The following PSMB10 variants were observed in gnomAD, a reference collection of about 807,000 sequenced individuals.
PSMB10 encodes proteasome subunit beta type-10.
In PSMB10, 29 loss-of-function variants were observed where a neutral mutation model predicts 29.8. The observed-to-expected ratio is 0.97, with a 90% CI of 0.73 to 1.33. The LOEUF is 1.33. Ranked by LOEUF, PSMB10 falls within the 40% of genes most tolerant of loss-of-function variation. The probability of loss-of-function intolerance (pLI) is 0.00; values close to 1 mark genes in which losing one functional copy is unlikely to be tolerated. For synonymous variants in PSMB10, 157 were observed against 164.7 expected, an observed-to-expected ratio of 0.95 and a Z score of 0.36; for missense variants, 327 against 369.2, an observed-to-expected ratio of 0.89 and a Z score of 0.94.
rs1437356925 is a variant in PSMB10, at chr16:67,934,823, C to A, written c.684G>T (p.Leu228=). Reference sequence around the variant, plus strand: ...TCTTCACGGGCTCTGTGGGTGAGCTCAGTGTCCGCAGCAGCTTGGCGCCAG... The same window carrying A: ...TCTTCACGGGCTCTGTGGGTGAGCTAAGTGTCCGCAGCAGCTTGGCGCCAG... ...TKTGAKLLRT[L]SSPTEPVKRS... The change falls in exon 7 of 8, where the codon CTG becomes CTT. Residue 228 remains leucine, a synonymous_variant. Transcript: ENST00000358514. The surrounding 1 kb of genome is among the most constrained non-coding windows in gnomAD (Gnocchi z 4.3). The A allele has an allele frequency of 6.2e-7, 1 of 1,614,076 alleles. No individual in the cohort carries two copies. The highest frequency in any genetic ancestry group is 1.7e-5 in the Admixed American group (1 of 60,020).
chr16:67,934,786 C>T lies in PSMB10; in HGVS notation c.710+11G>A, dbSNP rs1291650007. 2 of 1,612,532 alleles carry T rather than the reference C, an allele frequency of 1.2e-6. No individual in the cohort carries two copies. The highest frequency in any genetic ancestry group is 2.7e-5 in the African/African-American group (2 of 74,902). Reference sequence around the variant, plus strand: ...CACACATCCCTGTGGTCCCCGATCTCCAGCTCTCACCTCTTCACGGGCTCT... The same window carrying T: ...CACACATCCCTGTGGTCCCCGATCTTCAGCTCTCACCTCTTCACGGGCTCT... On this transcript the variant is annotated intron_variant, in intron 7 of 7. Transcript: ENST00000358514. This position sits in a 1 kb window ranked among gnomAD's most constrained non-coding sequence, Gnocchi z 4.3.
At chr16:67,936,643 G>A (rs781592651) in intron 1 of PSMB10, 51 bp downstream of exon 1, 3 of 1,462,970 alleles carry the variant, frequency 2.1e-6, no homozygotes, top group Non-Finnish European at 2.8e-6. Context: ...AAAAGGCCAC[G>A]AGCAAGCAGA....
In PSMB10 at chr16:67,934,530, T is replaced by TC; in HGVS notation, c.*29dup. The TC allele has an allele frequency of 6.3e-7, 1 of 1,586,276 alleles. No individual in the cohort carries two copies. Among genetic ancestry groups the TC allele is most frequent in the Non-Finnish European group, 8.7e-7 (1 of 1,155,042 alleles). ...GTTTAACTGTATTTTCTGGGTTTATTCCCCCTTGTTCCAAGCTCTAAGCCT... is the reference window on the plus strand; with the variant it reads ...GTTTAACTGTATTTTCTGGGTTTATTCCCCCCTTGTTCCAAGCTCTAAGCCT... On this transcript the variant is annotated 3_prime_UTR_variant, in exon 8 of 8. Transcript: ENST00000358514. The surrounding 1 kb of genome is among the most constrained non-coding windows in gnomAD (Gnocchi z 4.3).
chr16:67,935,325 T>C (rs1449380171), intron 6 of PSMB10, 95 bp downstream of exon 6: 1 of 1,517,872 alleles, frequency 6.6e-7, no homozygotes, highest in South Asian at 1.1e-5. Context: ...CCGACAAGCC[T>C]TAGCCACCCG....
At position 67,934,717 on chromosome 16, in the gene PSMB10, G is replaced by GC; in HGVS notation, c.711-47dup. ...CCTCTGAACATGGGCCTGTCATGTG[G>GC]CCCATCCCCTTTTTGCAGCCCCCTA... is the stretch of plus-strand genomic sequence containing the variant. On this transcript the variant is annotated intron_variant, in intron 7 of 7. Coordinates refer to ENST00000358514, the MANE Select transcript of PSMB10 (RefSeq NM_002801.4). This position sits in a 1 kb window ranked among gnomAD's most constrained non-coding sequence, Gnocchi z 4.3. 2 of 1,611,098 alleles carry GC rather than the reference G, an allele frequency of 1.2e-6. No individual in the cohort carries two copies. Among genetic ancestry groups the GC allele is most frequent in the Non-Finnish European group, 8.5e-7 (1 of 1,177,454 alleles).
At chr16:67,935,740 GCCC>G in intron 4 of PSMB10, 43 bp from the exon 5 acceptor site, 1 of 1,595,868 alleles carries the variant, frequency 6.3e-7, no homozygotes, top group Non-Finnish European at 8.6e-7. Flanking sequence ...TGGGGCCTAG[GCCC>G]CACCTCTCTA....
At chr16:67,936,136 G>C in intron 3 of PSMB10, 33 bp from the exon 4 acceptor site, 3 of 1,609,242 alleles carry the variant, frequency 1.9e-6, no homozygotes, top group Non-Finnish European at 2.6e-6. Flanking sequence ...TGTGGGCAGG[G>C]CTGGGACGTG....
chr16:67,934,630 A>T lies in PSMB10; in HGVS notation c.752T>A (p.Leu251Gln). The T allele has an allele frequency of 1.2e-6, 2 of 1,614,170 alleles. No homozygotes were observed. The highest frequency in any genetic ancestry group is 1.7e-6 in the Non-Finnish European group (2 of 1,180,010). Reference sequence around the variant, plus strand: ...GGTTAGTGGCTTCACTGTCTGGGTCAGGACAGCTGTGGTTCCAGGCACAAA... The same window carrying T: ...GGTTAGTGGCTTCACTGTCTGGGTCTGGACAGCTGTGGTTCCAGGCACAAA... ...YHFVPGTTAV[L>Q]TQTVKPLTLE... The change falls in exon 8 of 8, where the codon CTG becomes CAG. Residue 251 changes from leucine (L) to glutamine (Q), a missense_variant. By Grantham distance (113) the Leu-to-Gln change is moderately radical. Coordinates refer to ENST00000358514, the MANE Select transcript of PSMB10 (RefSeq NM_002801.4). This position sits in a 1 kb window ranked among gnomAD's most constrained non-coding sequence, Gnocchi z 4.3.
At position 67,935,438 on chromosome 16, in the gene PSMB10, C is replaced by T. The variant is rs372878770; in HGVS notation, c.540G>A (p.Arg180=). The T allele has an allele frequency of 1.9e-6, 3 of 1,613,992 alleles. No individual in the cohort carries two copies. The African/African-American group carries it at 4.0e-5, about 22-fold the overall frequency. Residue 180 remains arginine, a synonymous_variant, in exon 6 of 8, where the codon CGG becomes CGA. Coordinates refer to ENST00000358514, the MANE Select transcript of PSMB10 (RefSeq NM_002801.4). ...CGCTCACCGTCATGTTCGGCTGGAA[C>T]CGGTCTTCTAGCACCGCCAGGGCCG... ...QDAALAVLED[R]FQPNMTLEAA...
chr16:67,935,154 A>G (rs917161710), intron 6 of PSMB10: 13 of 726,370 alleles, frequency 1.8e-5, no homozygotes, highest in Admixed American at 2.9e-5. Context: ...AGACGTTGAT[A>G]TAAGTAGGAC....
rs754747683 is a variant in PSMB10 at position 67,934,848 on chromosome 16, G to A, written c.659C>T (p.Thr220Ile). The part of the protein sequence containing the change: ...GNVDACVITK[T>I]GAKLLRTLSS... ...CAGTGTCCGCAGCAGCTTGGCGCCA[G>A]TCTTTGTGATCACACATGCGTCCAC... The change falls in exon 7 of 8, where the codon ACT (threonine) becomes ATT (isoleucine). Residue 220 changes from threonine (T) to isoleucine (I), a missense_variant. Thr to Ile is a moderately conservative substitution (Grantham distance 89). Transcript: ENST00000358514. This position sits in a 1 kb window ranked among gnomAD's most constrained non-coding sequence, Gnocchi z 4.3. 1 of 1,614,110 alleles carries A rather than the reference G, an allele frequency of 6.2e-7. No individual in the cohort carries two copies. The highest frequency in any genetic ancestry group is 8.5e-7 in the Non-Finnish European group (1 of 1,180,028).
Position 67,936,463 on chromosome 16 carries a change from G to T in PSMB10, c.79C>A (p.Leu27Ile), listed in dbSNP as rs1454613308. The change falls in exon 2 of 8, where the codon CTC becomes ATC. Residue 27 changes from leucine (L) to isoleucine (I), a missense_variant. Leu to Ile is a conservative substitution (Grantham distance 5). Coordinates refer to ENST00000358514, the MANE Select transcript of PSMB10 (RefSeq NM_002801.4). ...CQRNASLERV[L>I]PGLKVPHARK... ...GCGTGAGGGACCTTGAGCCCCGGGA[G>T]GACGCGTTCCAATGATGCATTTCTG... 1.2e-6 allele frequency: 2 copies of T among 1,613,474 alleles called. No homozygotes were observed. The highest frequency in any genetic ancestry group is 8.5e-7 in the Non-Finnish European group (1 of 1,179,876).
rs1302474034 is a variant in PSMB10 at position 67,934,850 on chromosome 16, C to G, written c.657G>C (p.Lys219Asn). ...GTGTCCGCAGCAGCTTGGCGCCAGT[C>G]TTTGTGATCACACATGCGTCCACAT... ...GGNVDACVIT[K>N]TGAKLLRTLS... The change falls in exon 7 of 8, where the codon AAG becomes AAC. Residue 219 changes from lysine to asparagine, a missense_variant. Lys to Asn is a moderately conservative substitution (Grantham distance 94). Coordinates refer to ENST00000358514, the MANE Select transcript of PSMB10 (RefSeq NM_002801.4). This position sits in a 1 kb window ranked among gnomAD's most constrained non-coding sequence, Gnocchi z 4.3. 4 of 1,614,002 alleles carry G rather than the reference C, an allele frequency of 2.5e-6. No individual in the cohort carries two copies. The highest frequency in any genetic ancestry group is 3.4e-6 in the Non-Finnish European group (4 of 1,180,038).
Position 67,935,654 on chromosome 16 carries a change from C to T in PSMB10, c.427G>A (p.Asp143Asn), listed in dbSNP as rs2058260111. The change falls in exon 5 of 8, where the codon GAC becomes AAC. Residue 143 changes from aspartate (D) to asparagine (N), a missense_variant. Asp to Asn is a conservative substitution (Grantham distance 23, BLOSUM62 1). Transcript: ENST00000358514. ...CCGTAGAGCTGCGGTCCAGTCAGGTCTACGCCGCCCACGATCAGCGATGCA... is the reference window on the plus strand; with the variant it reads ...CCGTAGAGCTGCGGTCCAGTCAGGTTTACGCCGCCCACGATCAGCGATGCA... ...VGASLIVGGV[D>N]LTGPQLYGVH... 1.9e-6 allele frequency: 3 copies of T among 1,614,198 alleles called. No individual in the cohort carries two copies. In the East Asian group the frequency reaches 6.7e-5, roughly 36 times the overall value.
rs1475487738 is a variant in PSMB10, at chr16:67,934,915, C to T, written c.592G>A (p.Val198Ile). Reference sequence around the variant, plus strand: ...AGGTCACCCAAGATCCCGGCGGTGACGGCTTCCACCAGCAGCCCCTGAGCA... The same window carrying T: ...AGGTCACCCAAGATCCCGGCGGTGATGGCTTCCACCAGCAGCCCCTGAGCA... ...EAAQGLLVEAVTAGILGDLGS... is the reference protein window; with the variant it reads ...EAAQGLLVEAITAGILGDLGS... The change falls in exon 7 of 8, where the codon GTC becomes ATC. Residue 198 changes from valine (V) to isoleucine (I), a missense_variant. Physicochemically the swap from Val to Ile is conservative, Grantham distance 29. Coordinates refer to ENST00000358514, the MANE Select transcript of PSMB10 (RefSeq NM_002801.4). This position sits in a 1 kb window ranked among gnomAD's most constrained non-coding sequence, Gnocchi z 4.3. 4 of 1,612,770 alleles carry T rather than the reference C, an allele frequency of 2.5e-6. No individual in the cohort carries two copies. The highest frequency in any genetic ancestry group is 1.1e-5 in the South Asian group (1 of 91,082).
At position 67,935,466 on chromosome 16, in the gene PSMB10, T is replaced by A. The variant is rs2058259234; in HGVS notation, c.512A>T (p.Asp171Val). ...GTCTTCTAGCACCGCCAGGGCCGCG[T>A]CCTGACCAGAGCCTGAAGGCAGGAG... ...LPFTALGSGQ[D>V]AALAVLEDRF... The change falls in exon 6 of 8, where the codon GAC becomes GTC. Residue 171 changes from aspartate to valine, a missense_variant. Coordinates refer to ENST00000358514, the MANE Select transcript of PSMB10 (RefSeq NM_002801.4). 9 of 1,614,118 alleles carry A rather than the reference T, an allele frequency of 5.6e-6. No individual in the cohort carries two copies. Among genetic ancestry groups the A allele is most frequent in the Non-Finnish European group, 7.6e-6 (9 of 1,180,034 alleles).
chr16:67,935,339 T>G, intron 6 of PSMB10, 81 bp downstream of exon 6: 1 of 1,574,272 alleles, frequency 6.4e-7, no homozygotes, highest in African/African-American at 1.3e-5. Flanking sequence ...CCACCCGCAC[T>G]GGGCCAGGGT....
chr16:67,935,277 C>G (rs770165369), intron 6 of PSMB10, 143 bp downstream of exon 6: 2 of 1,005,924 alleles, frequency 2.0e-6, no homozygotes, highest in East Asian at 5.0e-5. Flanking sequence ...CCGCACTTCT[C>G]TGCCCTTACT....
chr16:67,935,184 G>C (rs2058258077), intron 6 of PSMB10: 1 of 697,176 alleles, frequency 1.4e-6, no homozygotes, highest in African/African-American at 1.8e-5. Flanking sequence ...CCTTCTCTCC[G>C]CCCTCGGCTC....
Sources: gnomAD v4.1 joint callset for allele counts on GRCh38, gnomAD v4.1.1 for gene constraint, Gnocchi (gnomAD v3.1) non-coding constraint, MANE v1.5 for transcripts, NCBI Gene and HGNC (gene_info 2026-07-23, HGNC 2026-07-21) for gene names.